The following SMO variants were observed in gnomAD, a reference collection of about 807,000 sequenced individuals.
SMO encodes protein smoothened.
A neutral mutation model predicts 81.6 loss-of-function variants in SMO; 40 were observed. The ratio of observed to expected loss-of-function variants is 0.49; its 90% CI spans 0.38 to 0.64. SMO has a LOEUF of 0.64. Ranked by LOEUF, SMO falls within the 30% of genes least tolerant of loss-of-function variation. SMO has a pLI of 0.00. For synonymous variants in SMO, 434 were observed against 432.1 expected, an observed-to-expected ratio of 1.00 and a Z score of -0.05; for missense variants, 916 against 1,061.1, an observed-to-expected ratio of 0.86 and a Z score of 1.90.
rs772755154 is a variant in SMO, at chr7:129,203,533, C to A, written c.481C>A (p.Arg161=). ...RGPCAIVERE[R]GWPDFLRCTP... ...CCCCTGTGCCATCGTGGAGAGGGAG[C>A]GGGGCTGGCCTGACTTCCTGCGCTG... Residue 161 remains arginine (R), a synonymous_variant, in exon 2 of 12, where the codon CGG becomes AGG. Transcript: ENST00000249373. The A allele has an allele frequency of 6.2e-7, 1 of 1,606,248 alleles. No individual in the cohort carries two copies. Among genetic ancestry groups the A allele is most frequent in the Non-Finnish European group, 8.5e-7 (1 of 1,179,544 alleles).
At chr7:129,209,483 ATTTG>A in intron 8 of SMO, 86 bp downstream of exon 8, 3 of 813,260 alleles carry the variant, frequency 3.7e-6, no homozygotes, top group Non-Finnish European at 6.3e-6. Flanking sequence ...GGCAGCAGGG[ATTTG>A]CCAGGTCCCT....
chr7:129,193,409 AG>A (rs1400158436), intron 1 of SMO, among the ~76,000 whole-genome samples: 1 of 152,146 alleles, frequency 6.6e-6, no homozygotes, highest in Non-Finnish European at 1.5e-5. Context: ...GGGACGGATC[AG>A]GAAGAATTTC....
At chr7:129,200,245 G>A (rs1301222426) in intron 1 of SMO, among the ~76,000 whole-genome samples, 3 of 151,890 alleles carry the variant, frequency 2.0e-5, no homozygotes, top group Admixed American at 6.6e-5. Context: ...GTGAACCCCC[G>A]TCTCTACTAA....
In SMO at chr7:129,208,219, G is replaced by A. The variant is rs752237794; in HGVS notation, c.1265-540G>A. Among the ~76,000 whole-genome samples the A allele has an allele frequency of 3.9e-5, 6 of 152,064 alleles. No homozygotes were observed. The highest frequency in any genetic ancestry group is 5.9e-5 in the Non-Finnish European group (4 of 68,012). On this transcript the variant is annotated intron_variant, in intron 6 of 11. Transcript: ENST00000249373. The surrounding 1 kb of genome is among the most constrained non-coding windows in gnomAD (Gnocchi z 5.2). ...TGTAATCCCAGCACTTTGGGAGGCC[G>A]AGGTGGGCAGATCACCTGAGTTCAG...
At chr7:129,192,700 C>T (rs187259757) in intron 1 of SMO, among the ~76,000 whole-genome samples, 1 of 152,222 alleles carries the variant, frequency 6.6e-6, no homozygotes, top group Non-Finnish European at 1.5e-5. Flanking sequence ...CAGGAGGCCT[C>T]GGGTTTCAGG....
chr7:129,189,408 G>A lies in SMO; in HGVS notation c.257G>A (p.Gly86Glu), dbSNP rs1352797539. 3 of 1,538,142 alleles carry A rather than the reference G, an allele frequency of 2.0e-6. No individual in the cohort carries two copies. The highest frequency in any genetic ancestry group is 3.9e-5 in the Admixed American group (2 of 50,978). The change falls in exon 1 of 12, where the codon GGG becomes GAG. Residue 86 changes from glycine (G) to glutamate (E), a missense_variant. This residue lies in a region of SMO where 146 missense variants were observed against 149.9 expected (regional missense o/e 0.97). Transcript: ENST00000249373. This position sits in a 1 kb window ranked among gnomAD's most constrained non-coding sequence, Gnocchi z 4.7. ...NVCLGSVLPY[G>E]ATSTLLAGDS... Reference sequence around the variant, plus strand: ...TGCCTGGGCTCGGTGCTGCCCTACGGGGCCACCTCCACACTGCTGGCCGGA... The same window carrying A: ...TGCCTGGGCTCGGTGCTGCCCTACGAGGCCACCTCCACACTGCTGGCCGGA...
intron 1 of SMO, among the ~76,000 whole-genome samples, chr7:129,194,039 G>A (rs1793529588): frequency 6.6e-6 from 1 of 151,012 alleles, no homozygotes; most frequent in African/African-American, 2.4e-5. Flanking sequence ...GGTTGAGGCT[G>A]CAGTGAGCCA....
In SMO at chr7:129,205,206, G is replaced by C. The variant is rs2150648042; in HGVS notation, c.541G>C (p.Glu181Gln). ...CTTTTCCCATCCCTGGTGCCAGAATGAGGTGCAGAACATCAAGTTCAACAG... is the reference window on the plus strand; with the variant it reads ...CTTTTCCCATCCCTGGTGCCAGAATCAGGTGCAGAACATCAAGTTCAACAG... ...PDRFPEGCTNEVQNIKFNSSG... is the reference protein window; with the variant it reads ...PDRFPEGCTNQVQNIKFNSSG... The change falls in exon 3 of 12, where the codon GAG becomes CAG. Residue 181 changes from glutamate (E) to glutamine (Q), a missense_variant. This residue lies in a region of SMO where 436 missense variants were observed against 570.9 expected (regional missense o/e 0.76). Coordinates refer to ENST00000249373, the MANE Select transcript of SMO (RefSeq NM_005631.5). 6.2e-7 allele frequency: 1 copy of C among 1,614,068 alleles called. No individual in the cohort carries two copies. Among genetic ancestry groups the C allele is most frequent in the Non-Finnish European group, 8.5e-7 (1 of 1,179,934 alleles).
At position 129,212,735 on chromosome 7, in the gene SMO, G is replaced by A; in HGVS notation, c.*284G>A. ...GGTTGGCAGCATCTGCTCCATCGGG[G>A]CAGGGGGTATGCAGAGCTTGTGGTG... On this transcript the variant is annotated 3_prime_UTR_variant, in exon 12 of 12. Coordinates refer to ENST00000249373, the MANE Select transcript of SMO (RefSeq NM_005631.5). This position sits in a 1 kb window ranked among gnomAD's most constrained non-coding sequence, Gnocchi z 5.0. The A allele has an allele frequency of 2.0e-6, 1 of 504,920 alleles. No individual in the cohort carries two copies. Among genetic ancestry groups the A allele is most frequent in the Admixed American group, 3.6e-5 (1 of 28,064 alleles). 31.3% of individuals were successfully genotyped at this position (504,920 alleles called of 1,614,324 possible). A position where few individuals can be genotyped will look rare whatever the true frequency, so the allele number is the denominator to read the frequency against.
chr7:129,195,673 CAATA>C (rs1427619694), intron 1 of SMO, among the ~76,000 whole-genome samples: 1 of 151,990 alleles, frequency 6.6e-6, no homozygotes, highest in East Asian at 1.9e-4. Flanking sequence ...TTTATTTATA[CAATA>C]AATAAGATCT....
At position 129,211,217 on chromosome 7, in the gene SMO, T is replaced by G. The variant is rs1206095534; in HGVS notation, c.1801+104T>G. On this transcript the variant is annotated intron_variant, in intron 10 of 11. Transcript: ENST00000249373. This position sits in a 1 kb window ranked among gnomAD's most constrained non-coding sequence, Gnocchi z 4.6. ...CACACAGATTATTTGGAAGACCGAC[T>G]GTGAGGAGCAAGGCGCTCCCTCCAT... is the stretch of plus-strand genomic sequence containing the variant. 1.3e-5 allele frequency: 16 copies of G among 1,277,610 alleles called. No individual in the cohort carries two copies. Among genetic ancestry groups the G allele is most frequent in the Non-Finnish European group, 1.7e-5 (15 of 906,410 alleles). The allele number at this position is 1,277,610 out of a possible 1,614,324, so 79.1% of individuals were successfully genotyped here. A position where few individuals can be genotyped will look rare whatever the true frequency, so the allele number is the denominator to read the frequency against.
rs35143663 is a variant in SMO, at chr7:129,206,838, G to GT, written c.1264+259dup. 7.2e-5 allele frequency among the ~76,000 whole-genome samples: 11 copies of GT among 151,988 alleles called. No individual in the cohort carries two copies. Among genetic ancestry groups the GT allele is most frequent in the East Asian group, 1.9e-4 (1 of 5,164 alleles). ...GGCCTTGGCCCAGGGCTCACAGCTT[G>GT]TTTTTTTTGTTTGTTTTTGTTTTTG... On this transcript the variant is annotated intron_variant, in intron 6 of 11. Coordinates refer to ENST00000249373, the MANE Select transcript of SMO (RefSeq NM_005631.5). The surrounding 1 kb of genome is among the most constrained non-coding windows in gnomAD (Gnocchi z 4.4).
chr7:129,212,993 GCTC>G lies in SMO; in HGVS notation c.*544_*546del, dbSNP rs1793904730. ...GGTGTTTGTGGGGCTGGAAGGACCTGCTCCCACAGGGGCCATGTCCTCTCTTAA... is the reference window on the plus strand; with the variant it reads ...GGTGTTTGTGGGGCTGGAAGGACCTGCCACAGGGGCCATGTCCTCTCTTAA... On this transcript the variant is annotated 3_prime_UTR_variant, in exon 12 of 12. Coordinates refer to ENST00000249373, the MANE Select transcript of SMO (RefSeq NM_005631.5). This position sits in a 1 kb window ranked among gnomAD's most constrained non-coding sequence, Gnocchi z 5.0. 2 of 264,618 alleles carry G rather than the reference GCTC, an allele frequency of 7.6e-6. No homozygotes were observed. The highest frequency in any genetic ancestry group is 4.3e-5 in the African/African-American group (2 of 45,992). 16.4% of individuals were successfully genotyped at this position (264,618 alleles called of 1,614,324 possible).
In SMO at chr7:129,210,266, C is replaced by A; in HGVS notation, c.1467-97C>A. ...GCTGCAGTGGGTTGTGATCACGCCA[C>A]CGCACTCTAGCCTGGGTGACAGAGC... On this transcript the variant is annotated intron_variant, in intron 8 of 11. Transcript: ENST00000249373. This position sits in a 1 kb window ranked among gnomAD's most constrained non-coding sequence, Gnocchi z 4.7. The A allele has an allele frequency of 9.6e-7, 1 of 1,041,758 alleles. No homozygotes were observed. The highest frequency in any genetic ancestry group is 1.5e-6 in the Non-Finnish European group (1 of 685,386). 64.5% of individuals were successfully genotyped at this position (1,041,758 alleles called of 1,614,324 possible). A position where few individuals can be genotyped will look rare whatever the true frequency, so the allele number is the denominator to read the frequency against.
chr7:129,199,249 G>A (rs1334682593), intron 1 of SMO, among the ~76,000 whole-genome samples: 3 of 142,136 alleles, frequency 2.1e-5, no homozygotes, highest in Admixed American at 1.5e-4. Flanking sequence ...TGGCGATCTC[G>A]GCTCACTGCA....
In SMO at chr7:129,212,989, ACCT is replaced by A. The variant is rs1793904449; in HGVS notation, c.*539_*541del. On this transcript the variant is annotated 3_prime_UTR_variant, in exon 12 of 12. Coordinates refer to ENST00000249373, the MANE Select transcript of SMO (RefSeq NM_005631.5). The surrounding 1 kb of genome is among the most constrained non-coding windows in gnomAD (Gnocchi z 5.0). ...CCCAGGTGTTTGTGGGGCTGGAAGG[ACCT>A]GCTCCCACAGGGGCCATGTCCTCTC... The A allele has an allele frequency of 7.6e-6, 2 of 264,454 alleles. No homozygotes were observed. Among genetic ancestry groups the A allele is most frequent in the African/African-American group, 4.4e-5 (2 of 45,972 alleles). The allele number at this position is 264,454 out of a possible 1,614,324, so 16.4% of individuals were successfully genotyped here. A position where few individuals can be genotyped will look rare whatever the true frequency, so the allele number is the denominator to read the frequency against.
At chr7:129,193,567 G>A (rs974888296) in intron 1 of SMO, among the ~76,000 whole-genome samples, 4 of 150,486 alleles carry the variant, frequency 2.7e-5, no homozygotes, top group Non-Finnish European at 5.9e-5. Context: ...GACCATCCCG[G>A]CAAACAGGGT....
chr7:129,199,658 C>T (rs78797718), intron 1 of SMO, among the ~76,000 whole-genome samples: 2,829 of 152,078 alleles, frequency 0.019, 40 homozygotes, highest in Non-Finnish European at 0.031. Flanking sequence ...ATTAACTGAA[C>T]CTGGGGAGCT....
rs188608251 is a variant in SMO at position 129,210,246 on chromosome 7, A to C, written c.1467-117A>C. On this transcript the variant is annotated intron_variant, in intron 8 of 11. Coordinates refer to ENST00000249373, the MANE Select transcript of SMO (RefSeq NM_005631.5). The surrounding 1 kb of genome is among the most constrained non-coding windows in gnomAD (Gnocchi z 4.7). ...CCTGAGCCCAGGAGTTGGAAGCTGC[A>C]GTGGGTTGTGATCACGCCACCGCAC... 88 of 782,406 alleles carry C rather than the reference A, an allele frequency of 1.1e-4. No homozygotes were observed. Among genetic ancestry groups the C allele is most frequent in the East Asian group, 8.2e-4 (32 of 39,038 alleles). 48.5% of individuals were successfully genotyped at this position (782,406 alleles called of 1,614,324 possible).
Sources: allele counts gnomAD v4.1 joint callset (sites outside exome capture counted in the v4.1 genomes callset), GRCh38; gene constraint gnomAD v4.1.1; regional missense constraint gnomAD v4.1.1; non-coding constraint Gnocchi (gnomAD v3.1); transcripts MANE v1.5; gene names NCBI Gene and HGNC (gene_info 2026-07-23, HGNC 2026-07-21).